TMEM135: variants seen among roughly 807,000 people sequenced by gnomAD.
The protein encoded by TMEM135 is transmembrane protein 135.
TMEM135 carries 30 observed loss-of-function variants against 60.3 expected under a neutral mutation model. The observed-to-expected ratio is 0.50, with a 90% CI of 0.37 to 0.68. The LOEUF (loss-of-function observed/expected upper bound fraction) is 0.68, where lower values mean the gene tolerates loss of function less well. Among genes scored for constraint, TMEM135 ranks in the 30% least tolerant of loss-of-function variants. The pLI is 0.00. For missense variants in TMEM135, 468 were observed against 548.8 expected, an observed-to-expected ratio of 0.85 and a Z score of 1.47; for synonymous variants, 190 against 186.7, an observed-to-expected ratio of 1.02 and a Z score of -0.14.
rs538144011 is a variant in TMEM135 at position 87,159,371 on chromosome 11, T to A, written c.462+1965T>A. 7.9e-5 allele frequency among the ~76,000 whole-genome samples: 12 copies of A among 152,310 alleles called. No homozygotes were observed. In the East Asian group the frequency reaches 2.3e-3, roughly 29 times the overall value. On this transcript the variant is annotated intron_variant, in intron 5 of 14. Coordinates refer to ENST00000305494, the MANE Select transcript of TMEM135 (RefSeq NM_022918.4). The stretch of plus-strand genomic sequence containing the variant: ...AATGTCTCTAAAATTAGGAAATTTC[T>A]TTTTTTCCCCACTGACTTTTTTGGT...
At chr11:87,202,062 G>T (rs181388977) in intron 5 of TMEM135, among the ~76,000 whole-genome samples, 1 of 152,034 alleles carries the variant, frequency 6.6e-6, no homozygotes, top group East Asian at 1.9e-4. Context: ...GTCTGGCTGC[G>T]TTGCCCAAAC....
intron 6 of TMEM135, among the ~76,000 whole-genome samples, chr11:87,263,901 AC>A (rs1406719766): frequency 1.3e-5 from 2 of 152,008 alleles, no homozygotes; most frequent in African/African-American, 4.8e-5. Context: ...TGGCAAATAG[AC>A]CCAGTATTAT....
At chr11:87,093,118 CTT>C (rs1227494170) in intron 4 of TMEM135, among the ~76,000 whole-genome samples, 1 of 152,136 alleles carries the variant, frequency 6.6e-6, no homozygotes, top group Non-Finnish European at 1.5e-5. Flanking sequence ...CTTAATCACT[CTT>C]TAACATTTTC....
At chr11:87,289,437 C>CTTTTTTTTTTTTTTTTTT (rs376999371) in intron 6 of TMEM135, among the ~76,000 whole-genome samples, 3 of 87,580 alleles carry the variant, frequency 3.4e-5, no homozygotes, top group Admixed American at 1.4e-4. Context: ...ATCTCCATAT[C>CTTTTTTTTTTTTTTTTTT]TTTTTTTTTT....
At chr11:87,139,344 G>A (rs1938200365) in intron 4 of TMEM135, among the ~76,000 whole-genome samples, 1 of 152,056 alleles carries the variant, frequency 6.6e-6, no homozygotes, top group African/African-American at 2.4e-5. Flanking sequence ...TTTACAGTTT[G>A]ATGAGTTTTG....
At chr11:87,069,407 G>A (rs1545600) in intron 2 of TMEM135, among the ~76,000 whole-genome samples, 69,822 of 151,774 alleles carry the variant, frequency 0.46, 16,971 homozygotes, top group East Asian at 0.64. Flanking sequence ...GTTTGGTTAA[G>A]TTGTAGAAGC....
chr11:87,255,816 A>G (rs1381641548), intron 6 of TMEM135, among the ~76,000 whole-genome samples: 1 of 152,190 alleles, frequency 6.6e-6, no homozygotes, highest in Non-Finnish European at 1.5e-5. Context: ...AATGGTTGCT[A>G]GAAGCAGTGA....
chr11:87,133,644 A>G (rs1396830578), intron 4 of TMEM135, among the ~76,000 whole-genome samples: 6 of 152,220 alleles, frequency 3.9e-5, no homozygotes, highest in African/African-American at 1.4e-4. Flanking sequence ...AAGGTAGTGA[A>G]CATACCCATT....
chr11:87,194,229 A>G (rs1939880805), intron 5 of TMEM135, among the ~76,000 whole-genome samples: 1 of 152,064 alleles, frequency 6.6e-6, no homozygotes, highest in African/African-American at 2.4e-5. Flanking sequence ...TGTTGACTGA[A>G]GTGCTGGGAA....
intron 4 of TMEM135, among the ~76,000 whole-genome samples, chr11:87,136,007 G>T (rs749929210): frequency 9.9e-5 from 15 of 151,810 alleles, no homozygotes; most frequent in Non-Finnish European, 1.6e-4. Context: ...ATTGTCAATA[G>T]TGTTGTTTTA....
At chr11:87,120,947 A>G (rs1009120601) in intron 4 of TMEM135, 6 of 152,174 alleles carry the variant, frequency 3.9e-5, no homozygotes, top group Admixed American at 1.3e-4. Context: ...TGTACATTGA[A>G]TTAAGTGTTG....
intron 1 of TMEM135, among the ~76,000 whole-genome samples, chr11:87,044,368 TAAAA>T (rs1478144276): frequency 6.6e-6 from 1 of 152,104 alleles, no homozygotes; most frequent in Non-Finnish European, 1.5e-5. Context: ...GCAATGAGAC[TAAAA>T]AGTTTTTGGT....
rs1479914386 is a variant in TMEM135, at chr11:87,324,934, G to A, written c.*3601G>A. The A allele has an allele frequency of 6.6e-6, 3 of 453,990 alleles. No homozygotes were observed. Among genetic ancestry groups the A allele is most frequent in the Non-Finnish European group, 1.3e-5 (3 of 226,758 alleles). 28.1% of individuals were successfully genotyped at this position (453,990 alleles called of 1,614,324 possible). A position where few individuals can be genotyped will look rare whatever the true frequency, so the allele number is the denominator to read the frequency against. ...GGCCAAGAAAAAAATACAAGAAAAGGAATAAGAAGTGATTATTTTCTTTAG... is the reference window on the plus strand; with the variant it reads ...GGCCAAGAAAAAAATACAAGAAAAGAAATAAGAAGTGATTATTTTCTTTAG... On this transcript the variant is annotated 3_prime_UTR_variant, in exon 15 of 15. Transcript: ENST00000305494.
intron 5 of TMEM135, among the ~76,000 whole-genome samples, chr11:87,181,238 A>G (rs909939173): frequency 6.6e-6 from 1 of 152,186 alleles, no homozygotes; most frequent in African/African-American, 2.4e-5. Context: ...CAGAAAAAAG[A>G]TTAAGTGAAA....
intron 3 of TMEM135, among the ~76,000 whole-genome samples, chr11:87,087,422 T>A (rs1204101602): frequency 1.3e-5 from 2 of 152,162 alleles, no homozygotes; most frequent in Non-Finnish European, 2.9e-5. Context: ...TTTTCTTTCT[T>A]CTTAGCTGCA....
chr11:87,192,447 G>T (rs1939832650), intron 5 of TMEM135, among the ~76,000 whole-genome samples: 1 of 151,990 alleles, frequency 6.6e-6, no homozygotes, highest in Non-Finnish European at 1.5e-5. Flanking sequence ...ACGTATTTAT[G>T]TATGTTATAT....
chr11:87,168,376 A>G (rs752710230), intron 5 of TMEM135, among the ~76,000 whole-genome samples: 2 of 151,188 alleles, frequency 1.3e-5, no homozygotes, highest in Non-Finnish European at 2.9e-5. Context: ...TTGCTTTTCT[A>G]GTTCTTTTAA....
chr11:87,128,179 G>A (rs1015244978), intron 4 of TMEM135, among the ~76,000 whole-genome samples: 2 of 152,174 alleles, frequency 1.3e-5, no homozygotes, highest in Admixed American at 1.3e-4. Context: ...GGATTTTAGA[G>A]CTGGAAAACA....
intron 6 of TMEM135, among the ~76,000 whole-genome samples, chr11:87,285,749 T>C (rs897562212): frequency 6.6e-6 from 1 of 152,366 alleles, no homozygotes; most frequent in African/African-American, 2.4e-5. Flanking sequence ...AGGTTGGCAC[T>C]GCTGACTCTG....
Sources: gnomAD v4.1 joint callset for allele counts (sites outside exome capture counted in the v4.1 genomes callset) on GRCh38, gnomAD v4.1.1 for gene constraint, MANE v1.5 for transcripts, NCBI Gene and HGNC (gene_info 2026-07-23, HGNC 2026-07-21) for gene names.